The following CEP295 variants were observed in gnomAD, a reference collection of about 807,000 sequenced individuals.
The protein encoded by CEP295 is centrosomal protein of 295 kDa.
CEP295 carries 190 observed loss-of-function variants against 291.6 expected under a neutral mutation model. The ratio of observed to expected loss-of-function variants is 0.65; its 90% CI spans 0.58 to 0.73. The LOEUF is 0.73. Ranked by LOEUF, CEP295 falls within the 30% of genes least tolerant of loss-of-function variation. The pLI is 0.00. For synonymous variants in CEP295, 993 were observed against 1,038.8 expected (o/e 0.96, Z 0.85); for missense variants, 2,863 against 2,949.4 (o/e 0.97, Z 0.68).
chr11:93,721,056 T>C (rs1323265275), intron 18 of CEP295, among the ~76,000 whole-genome samples: 3 of 152,356 alleles, frequency 2.0e-5, no homozygotes. Flanking sequence ...AATATTCAAA[T>C]TTCTTAAAGC....
intron 7 of CEP295, among the ~76,000 whole-genome samples, chr11:93,681,211 CCTCT>C (rs1269451120): frequency 1.3e-5 from 2 of 150,892 alleles, no homozygotes; most frequent in African/African-American, 4.9e-5. Context: ...GATTAGTTAA[CCTCT>C]CTAAGTTCTG....
At chr11:93,684,574 A>T (rs1269677846) in intron 9 of CEP295, among the ~76,000 whole-genome samples, 1 of 152,200 alleles carries the variant, frequency 6.6e-6, no homozygotes, top group African/African-American at 2.4e-5. Flanking sequence ...CCCGTGGAAC[A>T]TGAGCCATAC....
In CEP295 at chr11:93,730,246, C is replaced by G; in HGVS notation, c.7783C>G (p.Leu2595Val). Reference sequence around the variant, plus strand: ...CCTTCCACAGAAAACACTAGAGAAACTTCGAGCCAAAAATACATGCTGACT... The same window carrying G: ...CCTTCCACAGAAAACACTAGAGAAAGTTCGAGCCAAAAATACATGCTGACT... ...KEFHKKTLEK[L>V]RAKNTC Residue 2595 changes from leucine (L) to valine (V), a missense_variant, in exon 30 of 30, where the codon CTT becomes GTT. Around this residue, in one of 3 missense-constraint regions of CEP295, gnomAD observed 2,295 missense variants for 2,335.7 expected, o/e 0.98. Coordinates refer to ENST00000325212, the MANE Select transcript of CEP295 (RefSeq NM_033395.2). 6.4e-7 allele frequency: 1 copy of G among 1,550,916 alleles called. No individual in the cohort carries two copies. Among genetic ancestry groups the G allele is most frequent in the Non-Finnish European group, 8.7e-7 (1 of 1,146,692 alleles).
At position 93,730,332 on chromosome 11, in the gene CEP295, A is replaced by G. The variant is rs2135393773; in HGVS notation, c.*63A>G. On this transcript the variant is annotated 3_prime_UTR_variant, in exon 30 of 30. Coordinates refer to ENST00000325212, the MANE Select transcript of CEP295 (RefSeq NM_033395.2). ...TATGTAGCATTAGACAAAATTATTT[A>G]AAGTCAATAAATTGTTATTCGAGGA... The G allele has an allele frequency of 1.7e-6, 2 of 1,161,784 alleles. No individual in the cohort carries two copies. The highest frequency in any genetic ancestry group is 1.5e-5 in the African/African-American group (1 of 64,944). 72.0% of individuals were successfully genotyped at this position (1,161,784 alleles called of 1,614,324 possible). A position where few individuals can be genotyped will look rare whatever the true frequency, so the allele number is the denominator to read the frequency against.
rs754946143 is a variant in CEP295, at chr11:93,679,490, G to A, written c.703G>A (p.Glu235Lys). The change falls in exon 7 of 30, where the codon GAA (glutamate) becomes AAA (lysine). Residue 235 changes from glutamate (E) to lysine (K), a missense_variant. Physicochemically the swap from Glu to Lys is moderately conservative, Grantham distance 56. Coordinates refer to ENST00000325212, the MANE Select transcript of CEP295 (RefSeq NM_033395.2). ...LQKQAAQERM[E>K]RFEKAHVRGF... ...AAAACAGGCAGCACAAGAGAGAATG[G>A]AACGGTTTGAAAAGGCACATGTACG... 150 of 1,551,454 alleles carry A rather than the reference G, an allele frequency of 9.7e-5. No homozygotes were observed. The highest frequency in any genetic ancestry group is 1.2e-4 in the Non-Finnish European group (142 of 1,146,892).
At position 93,698,398 on chromosome 11, in the gene CEP295, T is replaced by C; in HGVS notation, c.3486T>C (p.Asn1162=). 6.4e-7 allele frequency: 1 copy of C among 1,552,094 alleles called. No homozygotes were observed. The change falls in exon 15 of 30, where the codon AAT becomes AAC. Residue 1162 remains asparagine (N), a synonymous_variant. Coordinates refer to ENST00000325212, the MANE Select transcript of CEP295 (RefSeq NM_033395.2). The stretch of plus-strand genomic sequence containing the variant: ...AGCATAGCCTGGCACAGCAAGAAAA[T>C]TTGACAATACTCCAAGAACAGTCAC... The part of the protein sequence containing the change: ...FPQHSLAQQE[N]LTILQEQSQI...
chr11:93,662,107 G>A (rs1037425254), intron 1 of CEP295, among the ~76,000 whole-genome samples: 2 of 152,202 alleles, frequency 1.3e-5, no homozygotes, highest in African/African-American at 2.4e-5. Context: ...GATCACCCGC[G>A]GACATGGCCT....
At chr11:93,692,056 G>T in intron 12 of CEP295, 26 bp downstream of exon 12, 2 of 1,287,416 alleles carry the variant, frequency 1.6e-6, no homozygotes, top group Non-Finnish European at 2.2e-6. Context: ...ATTTTTAAAG[G>T]TTTATTTTTC....
At chr11:93,715,305 T>C (rs1329685723) in intron 18 of CEP295, among the ~76,000 whole-genome samples, 1 of 152,160 alleles carries the variant, frequency 6.6e-6, no homozygotes, top group Admixed American at 6.5e-5. Flanking sequence ...GTACCACTGA[T>C]GATCACTTAA....
chr11:93,662,272 A>T (rs893862930), intron 1 of CEP295, among the ~76,000 whole-genome samples: 2 of 152,250 alleles, frequency 1.3e-5, no homozygotes, highest in African/African-American at 2.4e-5. Context: ...CTTAATACTT[A>T]GAGTGTATTT....
intron 1 of CEP295, among the ~76,000 whole-genome samples, chr11:93,662,310 G>A (rs1950029192): frequency 6.6e-6 from 1 of 152,186 alleles, no homozygotes; most frequent in Non-Finnish European, 1.5e-5. Flanking sequence ...TCACATAGAC[G>A]TCAGAACAAA....
At chr11:93,662,272 A>C (rs893862930) in intron 1 of CEP295, among the ~76,000 whole-genome samples, 5 of 152,250 alleles carry the variant, frequency 3.3e-5, no homozygotes, top group Non-Finnish European at 5.9e-5. Context: ...CTTAATACTT[A>C]GAGTGTATTT....
chr11:93,724,510 T>A, intron 22 of CEP295, 135 bp downstream of exon 22: 2 of 873,416 alleles, frequency 2.3e-6, no homozygotes, highest in Non-Finnish European at 3.5e-6. Flanking sequence ...CTCACACCTG[T>A]AATCCCAGCA....
rs184892673 is a variant in CEP295 at position 93,729,414 on chromosome 11, T to G, written c.7303-20T>G. 1 of 1,502,514 alleles carries G rather than the reference T, an allele frequency of 6.7e-7. No homozygotes were observed. The highest frequency in any genetic ancestry group is 1.4e-5 in the African/African-American group (1 of 72,136). 93.1% of individuals were successfully genotyped at this position (1,502,514 alleles called of 1,614,324 possible). A position where few individuals can be genotyped will look rare whatever the true frequency, so the allele number is the denominator to read the frequency against. ...TAAAGCGTTTAAAAAGAGTAAAACA[T>G]GCAACTTTCTTGCCATTAGGTGAGT... On this transcript the variant is annotated intron_variant, in intron 25 of 29. Transcript: ENST00000325212.
Position 93,691,747 on chromosome 11 carries a change from G to T in CEP295, c.1401G>T (p.Ser467=). Reference sequence around the variant, plus strand: ...TTGCTAGTGAAGATAAACCACTTTCGTGTGGTACAAACTCTGGAAAAGAAC... The same window carrying T: ...TTGCTAGTGAAGATAAACCACTTTCTTGTGGTACAAACTCTGGAAAAGAAC... ...GPLASEDKPL[S]CGTNSGKEQE... The change falls in exon 11 of 30, where the codon TCG becomes TCT. Residue 467 remains serine, a synonymous_variant. Coordinates refer to ENST00000325212, the MANE Select transcript of CEP295 (RefSeq NM_033395.2). 2 of 1,546,250 alleles carry T rather than the reference G, an allele frequency of 1.3e-6. No homozygotes were observed. The highest frequency in any genetic ancestry group is 1.7e-6 in the Non-Finnish European group (2 of 1,144,716).
At chr11:93,677,902 A>G (rs1174268650) in intron 6 of CEP295, among the ~76,000 whole-genome samples, 2 of 152,164 alleles carry the variant, frequency 1.3e-5, no homozygotes, top group Non-Finnish European at 2.9e-5. Context: ...AACCAGATTT[A>G]TGGTTATGTT....
At chr11:93,718,624 T>G (rs1048651407) in intron 18 of CEP295, among the ~76,000 whole-genome samples, 1 of 152,208 alleles carries the variant, frequency 6.6e-6, no homozygotes, top group African/African-American at 2.4e-5. Context: ...TCTAGGTATA[T>G]TACAGATAAC....
chr11:93,710,429 G>C (rs1339917934), intron 18 of CEP295, among the ~76,000 whole-genome samples: 1 of 152,132 alleles, frequency 6.6e-6, no homozygotes, highest in Non-Finnish European at 1.5e-5. Context: ...GTATCACATT[G>C]TTTATTTTGC....
chr11:93,694,682 G>T (rs1951762165), intron 12 of CEP295, among the ~76,000 whole-genome samples: 1 of 152,150 alleles, frequency 6.6e-6, no homozygotes. Context: ...TGGATATGCT[G>T]GACAAAGAGA....
Sources: allele counts gnomAD v4.1 joint callset (sites outside exome capture counted in the v4.1 genomes callset), GRCh38; gene constraint gnomAD v4.1.1; regional missense constraint gnomAD v4.1.1; transcripts MANE v1.5; gene names NCBI Gene and HGNC (gene_info 2026-07-23, HGNC 2026-07-21).